Variants in MDGA2 observed in about 807,000 individuals in gnomAD.
MDGA2 encodes MAM domain-containing glycosylphosphatidylinositol anchor protein 2.
In MDGA2, 40 loss-of-function variants were observed where a neutral mutation model predicts 117.8. The observed-to-expected ratio is 0.34, with a 90% CI of 0.26 to 0.44. The LOEUF (loss-of-function observed/expected upper bound fraction) is 0.44. Ranked by LOEUF, MDGA2 falls within the 20% of genes least tolerant of loss-of-function variation. The pLI is 1.00. For synonymous variants in MDGA2, 452 were observed against 439.0 expected, an observed-to-expected ratio of 1.03 and a Z score of -0.37; for missense variants, 1,123 against 1,250.6, an observed-to-expected ratio of 0.90 and a Z score of 1.54.
chr14:47,084,361 G>T lies in MDGA2; in HGVS notation c.1195+12493C>A, dbSNP rs555513454. Reference sequence around the variant, plus strand: ...CACACTGAACTGAATGAAAACAGAAGATATCAAAATTTGTAAGACAGTTAA... The same window carrying T: ...CACACTGAACTGAATGAAAACAGAATATATCAAAATTTGTAAGACAGTTAA... On this transcript the variant is annotated intron_variant, in intron 6 of 16. Coordinates refer to ENST00000399232, the MANE Select transcript of MDGA2 (RefSeq NM_001113498.3). Among the ~76,000 whole-genome samples the T allele has an allele frequency of 9.1e-4, 138 of 152,070 alleles. 1 individual carries two copies. Among genetic ancestry groups the T allele is most frequent in the Non-Finnish European group, 1.4e-3 (92 of 67,954 alleles).
chr14:46,980,952 G>C (rs1473580057), intron 8 of MDGA2, among the ~76,000 whole-genome samples: 1 of 152,114 alleles, frequency 6.6e-6, no homozygotes, highest in Non-Finnish European at 1.5e-5. Flanking sequence ...GTCTGGAACT[G>C]AACTCCCAAT....
intron 1 of MDGA2, among the ~76,000 whole-genome samples, chr14:47,385,921 C>A (rs189494011): frequency 6.6e-6 from 1 of 152,216 alleles, no homozygotes; most frequent in African/African-American, 2.4e-5. Context: ...AGTTGTAATT[C>A]AGAATGGTAT....
At chr14:47,130,114 A>G (rs1378658721) in intron 5 of MDGA2, among the ~76,000 whole-genome samples, 1 of 151,816 alleles carries the variant, frequency 6.6e-6, no homozygotes, top group African/African-American at 2.4e-5. Context: ...CCATTTGTCA[A>G]TTTTGGCTTT....
chr14:46,950,792 T>C (rs1885344256), intron 9 of MDGA2, among the ~76,000 whole-genome samples: 1 of 146,686 alleles, frequency 6.8e-6, no homozygotes, highest in South Asian at 2.1e-4. Flanking sequence ...TCTAGCTGAA[T>C]AGCAATAAAT....
At chr14:47,458,313 T>G (rs188178978) in intron 1 of MDGA2, among the ~76,000 whole-genome samples, 181 of 152,342 alleles carry the variant, frequency 1.2e-3, no homozygotes, top group Non-Finnish European at 1.9e-3. Flanking sequence ...TTTTTGCTTT[T>G]GTTGCCTGTG....
chr14:47,163,461 G>C (rs978482693), intron 3 of MDGA2, among the ~76,000 whole-genome samples: 4 of 152,098 alleles, frequency 2.6e-5, no homozygotes, highest in Non-Finnish European at 5.9e-5. Flanking sequence ...GATAGTGAAT[G>C]GGTCTTGTGA....
At chr14:47,611,633 T>C (rs1261676593) in intron 1 of MDGA2, among the ~76,000 whole-genome samples, 1 of 151,960 alleles carries the variant, frequency 6.6e-6, no homozygotes, top group Non-Finnish European at 1.5e-5. Context: ...ACCAGGGAAA[T>C]GCCAATCAAA....
chr14:46,993,741 G>A (rs532839649), intron 8 of MDGA2, among the ~76,000 whole-genome samples: 5 of 152,106 alleles, frequency 3.3e-5, no homozygotes, highest in South Asian at 2.1e-4. Flanking sequence ...GATTACAGGC[G>A]TGAGCCACTG....
intron 1 of MDGA2, among the ~76,000 whole-genome samples, chr14:47,445,736 T>G (rs1893108273): frequency 6.6e-6 from 1 of 152,158 alleles, no homozygotes; most frequent in African/African-American, 2.4e-5. Flanking sequence ...AAGAATACTT[T>G]GAGGGATAAG....
At chr14:47,217,265 G>C (rs1566685522) in intron 3 of MDGA2, among the ~76,000 whole-genome samples, 1 of 151,816 alleles carries the variant, frequency 6.6e-6, no homozygotes, top group East Asian at 1.9e-4. Context: ...TTACATCAGA[G>C]ACCTAAAAAT....
At chr14:47,668,103 G>T (rs1898009546) in intron 1 of MDGA2, among the ~76,000 whole-genome samples, 1 of 152,190 alleles carries the variant, frequency 6.6e-6, no homozygotes, top group Non-Finnish European at 1.5e-5. Flanking sequence ...TCATTTGGAT[G>T]TTGAAACAGA....
chr14:47,231,034 G>A (rs1466194649), intron 2 of MDGA2, among the ~76,000 whole-genome samples: 1 of 151,920 alleles, frequency 6.6e-6, no homozygotes, highest in Admixed American at 6.6e-5. Flanking sequence ...ATTTTCTACT[G>A]GGGATTTTTC....
At chr14:47,187,259 T>C (rs2139392096) in intron 3 of MDGA2, among the ~76,000 whole-genome samples, 1 of 152,144 alleles carries the variant, frequency 6.6e-6, no homozygotes, top group South Asian at 2.1e-4. Context: ...CAACACTTAA[T>C]ATATACAATA....
intron 1 of MDGA2, among the ~76,000 whole-genome samples, chr14:47,465,150 C>G (rs1893574426): frequency 1.3e-5 from 2 of 151,808 alleles, no homozygotes; most frequent in Non-Finnish European, 2.9e-5. Context: ...GAAGCTGGAC[C>G]CCATCCTTAT....
At chr14:47,121,205 T>C (rs984443004) in intron 5 of MDGA2, among the ~76,000 whole-genome samples, 1 of 152,112 alleles carries the variant, frequency 6.6e-6, no homozygotes, top group African/African-American at 2.4e-5. Context: ...ATTTTCCTAC[T>C]AAAATATTTT....
intron 1 of MDGA2, among the ~76,000 whole-genome samples, chr14:47,479,015 A>G (rs1165983798): frequency 1.3e-5 from 2 of 152,242 alleles, no homozygotes; most frequent in Non-Finnish European, 2.9e-5. Context: ...CGAGAGTAAC[A>G]GTAGCAGACT....
At chr14:47,491,799 AT>A (rs917371371) in intron 1 of MDGA2, among the ~76,000 whole-genome samples, 1 of 57,428 alleles carries the variant, frequency 1.7e-5, no homozygotes, top group Non-Finnish European at 3.3e-5. Flanking sequence ...GACAAATCTG[AT>A]TGAAAAAAAA....
intron 6 of MDGA2, among the ~76,000 whole-genome samples, chr14:47,078,933 T>C (rs1250584209): frequency 6.6e-6 from 1 of 151,652 alleles, no homozygotes; most frequent in African/African-American, 2.4e-5. Flanking sequence ...TTGACCAACA[T>C]CTCCCCAGTA....
At chr14:47,441,380 C>T (rs1893008318) in intron 1 of MDGA2, among the ~76,000 whole-genome samples, 1 of 152,152 alleles carries the variant, frequency 6.6e-6, no homozygotes, top group Admixed American at 6.5e-5. Context: ...ATTTCATTGA[C>T]TGAAATTCCA....
Sources: allele counts gnomAD v4.1 joint callset (sites outside exome capture counted in the v4.1 genomes callset), GRCh38; gene constraint gnomAD v4.1.1; transcripts MANE v1.5; gene names NCBI Gene and HGNC (gene_info 2026-07-23, HGNC 2026-07-21).